Variants in FREM3 observed in about 807,000 individuals in gnomAD.
FREM3 encodes FRAS1-related extracellular matrix protein 3.
FREM3 carries 105 observed loss-of-function variants against 129.1 expected under a neutral mutation model. The observed-to-expected ratio is 0.81, with a 90% CI of 0.69 to 0.96. The LOEUF (loss-of-function observed/expected upper bound fraction) is 0.96. Ranked by LOEUF, FREM3 falls within the 40% of genes least tolerant of loss-of-function variation. The pLI is 0.00. For synonymous variants in FREM3, 1,014 were observed against 1,044.9 expected (o/e 0.97, Z 0.57); for missense variants, 2,593 against 2,666.3 (o/e 0.97, Z 0.61).
chr4:143,696,133 C>T lies in FREM3; in HGVS notation c.4543G>A (p.Val1515Met), dbSNP rs959842977. 6.5e-7 allele frequency: 1 copy of T among 1,537,562 alleles called. No homozygotes were observed. Among genetic ancestry groups the T allele is most frequent in the Non-Finnish European group, 8.7e-7 (1 of 1,146,980 alleles). Reference sequence around the variant, plus strand: ...AACACAGGGTAGAGTTCGCCGATCACTTGAAATTCGAAGCTGTCCATCTTT... The same window carrying T: ...AACACAGGGTAGAGTTCGCCGATCATTTGAAATTCGAAGCTGTCCATCTTT... ...EKKMDSFEFQ[V>M]IGELYPVFRT... Residue 1515 changes from valine (V) to methionine (M), a missense_variant, in exon 1 of 8, where the codon GTG (valine) becomes ATG (methionine). Coordinates refer to ENST00000329798, the MANE Select transcript of FREM3 (RefSeq NM_001168235.2).
chr4:143,699,369 C>A lies in FREM3; in HGVS notation c.1307G>T (p.Ser436Ile). 1 of 1,537,310 alleles carries A rather than the reference C, an allele frequency of 6.5e-7. No homozygotes were observed. Among genetic ancestry groups the A allele is most frequent in the Non-Finnish European group, 8.7e-7 (1 of 1,146,930 alleles). Residue 436 changes from serine (S) to isoleucine (I), a missense_variant, in exon 1 of 8, where the codon AGC becomes ATC. Coordinates refer to ENST00000329798, the MANE Select transcript of FREM3 (RefSeq NM_001168235.2). This position sits in a 1 kb window ranked among gnomAD's most constrained non-coding sequence, Gnocchi z 4.2. Reference protein sequence around the residue: ...KSMNTLVPVASHNRGLVLFEG... With the variant: ...KSMNTLVPVAIHNRGLVLFEG... The stretch of plus-strand genomic sequence containing the variant: ...AAAAAGCACAAGTCCCCTGTTATGG[C>A]TAGCCACTGGGACCAGAGTATTCAT...
At chr4:143,580,895 C>G (rs1454185006) in intron 7 of FREM3, among the ~76,000 whole-genome samples, 2 of 152,200 alleles carry the variant, frequency 1.3e-5, no homozygotes, top group Non-Finnish European at 2.9e-5. Flanking sequence ...ATGAGTCCTG[C>G]TTCTGCTACC....
intron 2 of FREM3, chr4:143,644,951 T>C (rs1328697759): frequency 6.6e-6 from 1 of 152,184 alleles, no homozygotes; most frequent in Admixed American, 6.5e-5. Context: ...AAATTATTAT[T>C]ACCATAATTT....
chr4:143,590,686 G>A lies in FREM3; in HGVS notation c.6029-4693C>T, dbSNP rs183066697. Among the ~76,000 whole-genome samples the A allele has an allele frequency of 9.3e-3, 1,418 of 152,244 alleles. 24 individuals carry two copies. The highest frequency in any genetic ancestry group is 0.03 in the African/African-American group (1,237 of 41,530). On this transcript the variant is annotated intron_variant, in intron 6 of 7. Coordinates refer to ENST00000329798, the MANE Select transcript of FREM3 (RefSeq NM_001168235.2). ...TGCATCAATGTTCATCAAGGATATT[G>A]GTCTAAAATTCTCTTTTTTTGCTGT...
intron 2 of FREM3, among the ~76,000 whole-genome samples, chr4:143,643,244 G>C (rs1739353465): frequency 6.6e-6 from 1 of 152,080 alleles, no homozygotes; most frequent in African/African-American, 2.4e-5. Flanking sequence ...ACTACCAAAG[G>C]ATCCAGTAAT....
intron 2 of FREM3, among the ~76,000 whole-genome samples, chr4:143,634,636 T>A (rs976836): frequency 0.042 from 6,424 of 151,850 alleles, 379 homozygotes; most frequent in African/African-American, 0.13. Flanking sequence ...CGACTGAGAG[T>A]CCCCTTCTGG....
intron 6 of FREM3, among the ~76,000 whole-genome samples, chr4:143,602,155 A>G (rs995987993): frequency 1.3e-5 from 2 of 152,194 alleles, no homozygotes; most frequent in African/African-American, 4.8e-5. Context: ...ACCCTGGGAA[A>G]TGAATGTGTG....
intron 4 of FREM3, 82 bp from the exon 5 acceptor site, chr4:143,621,244 A>G: frequency 7.7e-7 from 1 of 1,295,600 alleles, no homozygotes; most frequent in South Asian, 1.4e-5. Flanking sequence ...GAAATGTACA[A>G]AGCCTTTGAC....
rs1262944899 is a variant in FREM3, at chr4:143,696,571, G to T, written c.4105C>A (p.Leu1369Ile). The T allele has an allele frequency of 1.3e-6, 2 of 1,537,420 alleles. No individual in the cohort carries two copies. Among genetic ancestry groups the T allele is most frequent in the Non-Finnish European group, 1.7e-6 (2 of 1,146,982 alleles). ...TGGGTAAAGTTCATTCCCAGAGTAA[G>T]ATTGTTCCTCACTTCTCCTCTGGGT... Reference protein sequence around the residue: ...RKPRGEVRNNLTLGMNFTQDE... With the variant: ...RKPRGEVRNNITLGMNFTQDE... The change falls in exon 1 of 8, where the codon CTT (leucine) becomes ATT (isoleucine). Residue 1369 changes from leucine to isoleucine, a missense_variant. By Grantham distance (5) the Leu-to-Ile change is conservative. Around this residue, in one of 2 missense-constraint regions of FREM3, gnomAD observed 2,276 missense variants for 2,267.2 expected, o/e 1.00. Transcript: ENST00000329798.
rs1170463081 is a variant in FREM3 at position 143,653,926 on chromosome 4, A to G, written c.5276-26166T>C. On this transcript the variant is annotated intron_variant, in intron 2 of 7. Coordinates refer to ENST00000329798, the MANE Select transcript of FREM3 (RefSeq NM_001168235.2). ...TTAGGGGACTCTTCTTTTGATTACC[A>G]GAATGAAACATGAGAAAAAAGTTTT... Among the ~76,000 whole-genome samples, 3 of 152,230 alleles carry G rather than the reference A, an allele frequency of 2.0e-5. No individual in the cohort carries two copies. In the East Asian group the frequency reaches 5.8e-4, roughly 29 times the overall value.
chr4:143,688,627 C>T (rs1317775796), intron 2 of FREM3, among the ~76,000 whole-genome samples: 2 of 152,130 alleles, frequency 1.3e-5, no homozygotes, highest in South Asian at 2.1e-4. Context: ...TCAAACTGTA[C>T]TATAAGGCCA....
chr4:143,688,540 GA>G (rs1201818256), intron 2 of FREM3, among the ~76,000 whole-genome samples: 1 of 151,964 alleles, frequency 6.6e-6, no homozygotes, highest in Non-Finnish European at 1.5e-5. Context: ...AACTCATACA[GA>G]ACCAAAAAAG....
chr4:143,670,805 T>G (rs1398867733), intron 2 of FREM3, among the ~76,000 whole-genome samples: 3 of 152,144 alleles, frequency 2.0e-5, no homozygotes, highest in Non-Finnish European at 1.5e-5. Flanking sequence ...TTTTCTTATA[T>G]CAGAGCTTTC....
At chr4:143,622,230 A>T (rs1217345158) in intron 4 of FREM3, among the ~76,000 whole-genome samples, 1 of 151,330 alleles carries the variant, frequency 6.6e-6, no homozygotes, top group Non-Finnish European at 1.5e-5. Flanking sequence ...AGTAGCTGGG[A>T]TTACAGGCAT....
chr4:143,638,550 G>A (rs753176980), intron 2 of FREM3, among the ~76,000 whole-genome samples: 7 of 152,044 alleles, frequency 4.6e-5, no homozygotes, highest in African/African-American at 7.2e-5. Flanking sequence ...TTTCGGATAC[G>A]ATCTTGAGTC....
chr4:143,695,000 T>C (rs1171473804), intron 1 of FREM3, among the ~76,000 whole-genome samples: 1 of 152,208 alleles, frequency 6.6e-6, no homozygotes, highest in Non-Finnish European at 1.5e-5. Context: ...CAGGCAAACA[T>C]AGTTCTGTGC....
rs916579720 is a variant in FREM3 at position 143,698,781 on chromosome 4, A to G, written c.1895T>C (p.Met632Thr). Reference protein sequence around the residue: ...LSTEDEDWHYMEKEGLYEKVV... With the variant: ...LSTEDEDWHYTEKEGLYEKVV... ...TTTCTCATAAAGCCCTTCCTTTTCC[A>G]TGTAGTGCCAGTCTTCATCTTCAGT... is the stretch of plus-strand genomic sequence containing the variant. The change falls in exon 1 of 8, where the codon ATG becomes ACG. Residue 632 changes from methionine (M) to threonine (T), a missense_variant. By Grantham distance (81) the Met-to-Thr change is moderately conservative. Around this residue, in one of 2 missense-constraint regions of FREM3, gnomAD observed 2,276 missense variants for 2,267.2 expected, o/e 1.00. Transcript: ENST00000329798. 3 of 1,537,502 alleles carry G rather than the reference A, an allele frequency of 2.0e-6. No homozygotes were observed. Among genetic ancestry groups the G allele is most frequent in the South Asian group, 2.4e-5 (2 of 84,054 alleles).
Position 143,697,861 on chromosome 4 carries a change from CCACATTGGGATG to C in FREM3, c.2803_2814del (p.His935_Val938del). The C allele has an allele frequency of 6.5e-7, 1 of 1,537,782 alleles. No individual in the cohort carries two copies. Among genetic ancestry groups the C allele is most frequent in the Non-Finnish European group, 8.7e-7 (1 of 1,146,984 alleles). ...AGAGAGATCCTAGGACTTCTGTTAG[CCACATTGGGATG>C]CACAGAAATTGGGATGGTGATGGGT... On this transcript the variant is annotated inframe_deletion, in exon 1 of 8. Coordinates refer to ENST00000329798, the MANE Select transcript of FREM3 (RefSeq NM_001168235.2).
intron 2 of FREM3, among the ~76,000 whole-genome samples, chr4:143,659,452 G>A (rs1163137748): frequency 1.3e-5 from 2 of 152,134 alleles, no homozygotes; most frequent in African/African-American, 4.8e-5. Flanking sequence ...TGGTGTATAT[G>A]TGCCACATTT....
Sources: gnomAD v4.1 joint callset for allele counts (sites outside exome capture counted in the v4.1 genomes callset) on GRCh38, gnomAD v4.1.1 for gene constraint, gnomAD v4.1.1 regional missense constraint, Gnocchi (gnomAD v3.1) non-coding constraint, MANE v1.5 for transcripts, NCBI Gene and HGNC (gene_info 2026-07-23, HGNC 2026-07-21) for gene names.